LIMD1: variants seen among roughly 807,000 people sequenced by gnomAD.
LIMD1 encodes the protein LIM domain containing 1, also known as LIM domain-containing protein 1.
A neutral mutation model predicts 58.4 loss-of-function variants in LIMD1; 23 were observed. The ratio of observed to expected loss-of-function variants is 0.39; its 90% CI spans 0.28 to 0.56. The LOEUF (loss-of-function observed/expected upper bound fraction) is 0.56. LIMD1 is among the 20% of genes least tolerant of loss of function. LIMD1 has a pLI of 0.57. For missense variants in LIMD1, 838 were observed against 855.5 expected, an observed-to-expected ratio of 0.98 and a Z score of 0.25; for synonymous variants, 334 against 345.5, an observed-to-expected ratio of 0.97 and a Z score of 0.37.
Position 45,595,220 on chromosome 3 carries a change from C to T in LIMD1, c.341C>T (p.Pro114Leu). The change falls in exon 1 of 8, where the codon CCT becomes CTT. Residue 114 changes from proline (P) to leucine (L), a missense_variant. By Grantham distance (98) the Pro-to-Leu change is moderately conservative. Coordinates refer to ENST00000273317, the MANE Select transcript of LIMD1 (RefSeq NM_014240.3). ...CCTCTTGCTGCCTCGACAGGGGCAC[C>T]TGGGGCAGTCACCACCCTCGCTGCT... ...KPPLAASTGA[P>L]GAVTTLAAGQ... is the part of the protein sequence containing the mutation. 1 of 1,602,610 alleles carries T rather than the reference C, an allele frequency of 6.2e-7. No individual in the cohort carries two copies. The highest frequency in any genetic ancestry group is 8.5e-7 in the Non-Finnish European group (1 of 1,174,294).
chr3:45,672,409 T>TA (rs1452091634), intron 4 of LIMD1, among the ~76,000 whole-genome samples: 1 of 152,116 alleles, frequency 6.6e-6, no homozygotes, highest in Admixed American at 6.6e-5. Flanking sequence ...AGTTTCCTGT[T>TA]CTGGGTGAGG....
chr3:45,646,131 C>T (rs528861109), intron 2 of LIMD1, among the ~76,000 whole-genome samples: 1 of 152,236 alleles, frequency 6.6e-6, no homozygotes, highest in Admixed American at 6.5e-5. Flanking sequence ...CCCTTGCTTG[C>T]CTTCCAGCCA....
At chr3:45,664,689 C>T (rs1163306084) in intron 2 of LIMD1, among the ~76,000 whole-genome samples, 7 of 152,256 alleles carry the variant, frequency 4.6e-5, no homozygotes, top group Non-Finnish European at 8.8e-5. Flanking sequence ...ATCTGCCTTG[C>T]GCTGCTTTGC....
chr3:45,648,103 GA>G (rs11301158), intron 2 of LIMD1, among the ~76,000 whole-genome samples: 152,307 of 152,308 alleles, frequency 1, 76,153 homozygotes, highest in Non-Finnish European at 1. Context: ...TCAGTTTTGG[GA>G]AAAATAGGGA....
chr3:45,602,892 T>A (rs1701429990), intron 1 of LIMD1, among the ~76,000 whole-genome samples: 1 of 151,292 alleles, frequency 6.6e-6, no homozygotes, highest in East Asian at 2.0e-4. Flanking sequence ...CAGGCTGGAG[T>A]GCAGTGGTGC....
At chr3:45,622,377 G>A (rs1701635899) in intron 1 of LIMD1, among the ~76,000 whole-genome samples, 1 of 152,168 alleles carries the variant, frequency 6.6e-6, no homozygotes, top group African/African-American at 2.4e-5. Flanking sequence ...CTGAAACTGT[G>A]GGTAGTACTG....
In LIMD1 at chr3:45,665,736, C is replaced by T; in HGVS notation, c.1578+19C>T. 1 of 1,610,112 alleles carries T rather than the reference C, an allele frequency of 6.2e-7. No individual in the cohort carries two copies. The highest frequency in any genetic ancestry group is 1.1e-5 in the South Asian group (1 of 90,980). ...CTTCCTGGTGAGTGTGTCACCGAAG[C>T]CTCCCCTTGCATGTCCTGGCCAGAG... On this transcript the variant is annotated intron_variant, in intron 3 of 7. Coordinates refer to ENST00000273317, the MANE Select transcript of LIMD1 (RefSeq NM_014240.3).
chr3:45,610,642 T>C (rs1030586185), intron 1 of LIMD1, among the ~76,000 whole-genome samples: 1 of 152,156 alleles, frequency 6.6e-6, no homozygotes, highest in Non-Finnish European at 1.5e-5. Context: ...ACCCCCCAGC[T>C]CTGCCAACAG....
In LIMD1 at chr3:45,677,313, C is replaced by T. The variant is rs899050954; in HGVS notation, c.*254C>T. On this transcript the variant is annotated 3_prime_UTR_variant, in exon 8 of 8. Transcript: ENST00000273317. ...ACTCAGGAAAATGCTCCAGCATGTG[C>T]GAGCACATGACCTGAGGTTGCATCA... 1.2e-5 allele frequency: 5 copies of T among 428,380 alleles called. No individual in the cohort carries two copies. Among genetic ancestry groups the T allele is most frequent in the East Asian group, 8.6e-5 (2 of 23,136 alleles). 26.5% of individuals were successfully genotyped at this position (428,380 alleles called of 1,614,324 possible). A position where few individuals can be genotyped will look rare whatever the true frequency, so the allele number is the denominator to read the frequency against.
chr3:45,634,633 G>A (rs999672840), intron 1 of LIMD1, among the ~76,000 whole-genome samples: 1 of 152,214 alleles, frequency 6.6e-6, no homozygotes, highest in African/African-American at 2.4e-5. Flanking sequence ...GGGGGCCACT[G>A]TTGTCCCCAT....
Position 45,672,818 on chromosome 3 carries a change from C to G in LIMD1, c.1770C>G (p.His590Gln). 6.2e-7 allele frequency: 1 copy of G among 1,613,658 alleles called. No homozygotes were observed. Among genetic ancestry groups the G allele is most frequent in the Non-Finnish European group, 8.5e-7 (1 of 1,179,752 alleles). Residue 590 changes from histidine to glutamine, a missense_variant and splice_region_variant, in exon 5 of 8, where the codon CAC becomes CAG. By Grantham distance (24) the His-to-Gln change is conservative. Transcript: ENST00000273317. Reference protein sequence around the residue: ...ENKIYCVRDYHKVLAPKCAAC... With the variant: ...ENKIYCVRDYQKVLAPKCAAC... ...AGATCTACTGTGTCCGAGATTACCACAAGTAAGAAGGGATGGGAGCAGACA... is the reference window on the plus strand; with the variant it reads ...AGATCTACTGTGTCCGAGATTACCAGAAGTAAGAAGGGATGGGAGCAGACA...
At chr3:45,606,181 T>C (rs1362869324) in intron 1 of LIMD1, among the ~76,000 whole-genome samples, 2 of 152,220 alleles carry the variant, frequency 1.3e-5, no homozygotes, top group Non-Finnish European at 1.5e-5. Context: ...TAACCCCATT[T>C]CACAGATGGA....
At chr3:45,642,430 G>A (rs1701853029) in intron 2 of LIMD1, among the ~76,000 whole-genome samples, 1 of 152,142 alleles carries the variant, frequency 6.6e-6, no homozygotes, top group African/African-American at 2.4e-5. Flanking sequence ...GTCTGCCTTG[G>A]CGTCCCAAAG....
intron 2 of LIMD1, among the ~76,000 whole-genome samples, chr3:45,658,535 CTTTTTTTTTTTTT>C (rs10572210): frequency 9.7e-3 from 436 of 44,760 alleles, no homozygotes; most frequent in Admixed American, 0.021. Flanking sequence ...CATGCAGATT[CTTTTTTTTTTTTT>C]TTTTTTTTTT....
chr3:45,663,053 G>T (rs1008884721), intron 2 of LIMD1, among the ~76,000 whole-genome samples: 1 of 151,686 alleles, frequency 6.6e-6, no homozygotes, highest in Non-Finnish European at 1.5e-5. Flanking sequence ...ACACATATAC[G>T]ATCATTGGTA....
At chr3:45,665,981 C>G (rs2125668861) in intron 3 of LIMD1, among the ~76,000 whole-genome samples, 1 of 152,322 alleles carries the variant, frequency 6.6e-6, no homozygotes, top group South Asian at 2.1e-4. Flanking sequence ...CCCTGGACTC[C>G]TCCTCTTAGA....
intron 1 of LIMD1, among the ~76,000 whole-genome samples, chr3:45,600,489 C>G (rs1701400547): frequency 6.6e-6 from 1 of 152,082 alleles, no homozygotes; most frequent in Admixed American, 6.5e-5. Context: ...GTGTCTCTTT[C>G]CCTACTCTGC....
At position 45,665,731 on chromosome 3, in the gene LIMD1, C is replaced by A; in HGVS notation, c.1578+14C>A. On this transcript the variant is annotated intron_variant, in intron 3 of 7. Coordinates refer to ENST00000273317, the MANE Select transcript of LIMD1 (RefSeq NM_014240.3). Reference sequence around the variant, plus strand: ...GAAGACTTCCTGGTGAGTGTGTCACCGAAGCCTCCCCTTGCATGTCCTGGC... The same window carrying A: ...GAAGACTTCCTGGTGAGTGTGTCACAGAAGCCTCCCCTTGCATGTCCTGGC... 6.2e-7 allele frequency: 1 copy of A among 1,612,594 alleles called. No homozygotes were observed. The highest frequency in any genetic ancestry group is 8.5e-7 in the Non-Finnish European group (1 of 1,178,736).
At chr3:45,654,397 C>T (rs1255958879) in intron 2 of LIMD1, among the ~76,000 whole-genome samples, 4 of 152,140 alleles carry the variant, frequency 2.6e-5, no homozygotes, top group Non-Finnish European at 5.9e-5. Flanking sequence ...AGTATTATTG[C>T]ACGTTTTAGT....
Sources: gnomAD v4.1 joint callset for allele counts (sites outside exome capture counted in the v4.1 genomes callset) on GRCh38, gnomAD v4.1.1 for gene constraint, MANE v1.5 for transcripts, NCBI Gene and HGNC (gene_info 2026-07-23, HGNC 2026-07-21) for gene names.